HADHB: variants seen among roughly 807,000 people sequenced by gnomAD.
HADHB encodes the protein trifunctional enzyme subunit beta, mitochondrial.
Under a neutral mutation model 61.9 loss-of-function variants are expected in HADHB, and 50 were observed. That is an observed-to-expected ratio of 0.81 (90% CI 0.64 to 1.02). The LOEUF is 1.02. HADHB is among the 50% of genes least tolerant of loss of function. The pLI is 0.00. For synonymous variants in HADHB, 191 were observed against 201.6 expected (o/e 0.95, Z 0.45); for missense variants, 504 against 586.5 (o/e 0.86, Z 1.45).
chr2:26,278,160 C>T (rs930396225), intron 7 of HADHB, among the ~76,000 whole-genome samples: 2 of 152,236 alleles, frequency 1.3e-5, no homozygotes, highest in African/African-American at 4.8e-5. Context: ...ATGTGACCAA[C>T]TCCTGGTTAG....
intron 9 of HADHB, among the ~76,000 whole-genome samples, 160 bp downstream of exon 9, chr2:26,279,475 C>T (rs1283969863): frequency 6.6e-6 from 1 of 152,034 alleles, no homozygotes; most frequent in Non-Finnish European, 1.5e-5. Context: ...TATGTTGTAA[C>T]AATAGGTTAA....
chr2:26,260,743 G>A, intron 3 of HADHB: 1 of 456,116 alleles, frequency 2.2e-6, no homozygotes, highest in South Asian at 2.8e-5. Flanking sequence ...CTGGAAAGGT[G>A]TTAGGAACCA....
intron 3 of HADHB, among the ~76,000 whole-genome samples, chr2:26,258,791 T>TC (rs1671743217): frequency 6.6e-6 from 1 of 152,194 alleles, no homozygotes; most frequent in Admixed American, 6.5e-5. Context: ...TCATTGTCGC[T>TC]CCCCCTGTGC....
intron 14 of HADHB, 115 bp from the exon 15 acceptor site, chr2:26,285,290 AAT>A: frequency 1.2e-6 from 1 of 834,498 alleles, no homozygotes; most frequent in Non-Finnish European, 2.0e-6. Flanking sequence ...AATTATTTGT[AAT>A]ATGTCTGACG....
At chr2:26,261,024 A>G in intron 3 of HADHB, 1 of 1,524,606 alleles carries the variant, frequency 6.6e-7, no homozygotes, top group Non-Finnish European at 8.8e-7. Context: ...TAGGTAGATG[A>G]CACTGGTTTC....
intron 3 of HADHB, 42 bp from the exon 4 acceptor site, chr2:26,263,338 T>A: frequency 8.7e-7 from 1 of 1,151,996 alleles, no homozygotes; most frequent in Non-Finnish European, 1.3e-6. Context: ...AGACTTTATA[T>A]ATTTTAATTA....
Position 26,284,173 on chromosome 2 carries a change from T to C in HADHB, c.1118T>C (p.Ile373Thr). The change falls in exon 13 of 16, where the codon ATT becomes ACT. Residue 373 changes from isoleucine to threonine, a missense_variant. Physicochemically the swap from Ile to Thr is moderately conservative, Grantham distance 89. Coordinates refer to ENST00000317799, the MANE Select transcript of HADHB (RefSeq NM_000183.3). ...AAGGCAGGATTGACCATGAATGATA[T>C]TGATGCTTTTGAATTTCATGAAGCT... ...LEKAGLTMND[I>T]DAFEFHEAFS... 6.3e-7 allele frequency: 1 copy of C among 1,589,230 alleles called. No homozygotes were observed. The highest frequency in any genetic ancestry group is 8.6e-7 in the Non-Finnish European group (1 of 1,157,500).
intron 6 of HADHB, 65 bp downstream of exon 6, chr2:26,273,815 T>TATTA (rs1180733103): frequency 2.3e-6 from 2 of 855,072 alleles, no homozygotes; most frequent in Non-Finnish European, 4.0e-6. Flanking sequence ...TTTCAATTAA[T>TATTA]AGAAGTTACT....
chr2:26,249,288 C>T (rs976718759), intron 1 of HADHB, among the ~76,000 whole-genome samples: 1 of 151,924 alleles, frequency 6.6e-6, no homozygotes, highest in Non-Finnish European at 1.5e-5. Flanking sequence ...AATCCTAGCA[C>T]TTTGGGAGGC....
At chr2:26,281,883 T>G (rs1435499982) in intron 10 of HADHB, among the ~76,000 whole-genome samples, 1 of 152,196 alleles carries the variant, frequency 6.6e-6, no homozygotes, top group Non-Finnish European at 1.5e-5. Context: ...TAGTTTCCTT[T>G]TCTTTGGAAT....
chr2:26,250,544 T>C (rs1032774827), intron 1 of HADHB, among the ~76,000 whole-genome samples: 6 of 152,148 alleles, frequency 3.9e-5, no homozygotes, highest in African/African-American at 1.4e-4. Flanking sequence ...GATAAAAATA[T>C]TCTCTGAGGC....
chr2:26,246,347 CT>C (rs35129524), intron 1 of HADHB, among the ~76,000 whole-genome samples: 2,571 of 144,002 alleles, frequency 0.018, 65 homozygotes, highest in African/African-American at 0.057. Context: ...TTGTTTACAA[CT>C]TTTTTTTTTT....
intron 12 of HADHB, among the ~76,000 whole-genome samples, chr2:26,283,354 C>G (rs1672878897): frequency 6.6e-6 from 1 of 152,070 alleles, no homozygotes; most frequent in African/African-American, 2.4e-5. Context: ...GAAGCCCTAT[C>G]TCTACTAAAA....
At chr2:26,245,779 G>C (rs936114180) in intron 1 of HADHB, among the ~76,000 whole-genome samples, 1 of 152,160 alleles carries the variant, frequency 6.6e-6, no homozygotes, top group Non-Finnish European at 1.5e-5. Context: ...GTCACATTGA[G>C]AGCCTGCTGT....
chr2:26,273,486 T>C (rs1672427725), intron 5 of HADHB, among the ~76,000 whole-genome samples, 165 bp from the exon 6 acceptor site: 1 of 152,228 alleles, frequency 6.6e-6, no homozygotes, highest in Non-Finnish European at 1.5e-5. Flanking sequence ...ATTCATTTCT[T>C]CTTTGAGAAG....
intron 1 of HADHB, among the ~76,000 whole-genome samples, chr2:26,245,610 CAG>C (rs1291246759): frequency 1.3e-4 from 20 of 151,948 alleles, no homozygotes; most frequent in Admixed American, 1.3e-3. Flanking sequence ...GCCTACGAAT[CAG>C]AGAGAGTGAT....
At chr2:26,269,026 G>A (rs984450266) in intron 4 of HADHB, among the ~76,000 whole-genome samples, 5 of 151,882 alleles carry the variant, frequency 3.3e-5, no homozygotes, top group Admixed American at 6.6e-5. Context: ...GTGGGTGCCC[G>A]TAATCCCAGC....
chr2:26,247,128 A>G (rs1671198749), intron 1 of HADHB, among the ~76,000 whole-genome samples: 1 of 152,094 alleles, frequency 6.6e-6, no homozygotes, highest in Non-Finnish European at 1.5e-5. Flanking sequence ...TTTTGTTTTC[A>G]TTACTTGCCT....
At position 26,279,995 on chromosome 2, in the gene HADHB, A is replaced by G; in HGVS notation, c.813A>G (p.Gly271=). ...TAAAAAAATTCATTTTTTTAATAGG[A>G]AAAGATACAGTTACCAAAGATAATG... is the stretch of plus-strand genomic sequence containing the variant. ...LSDVVPFKVP[G]KDTVTKDNGI... is the part of the protein sequence containing the mutation. The change falls in exon 10 of 16, where the codon GGA becomes GGG. Residue 271 remains glycine, a splice_region_variant and synonymous_variant. Coordinates refer to ENST00000317799, the MANE Select transcript of HADHB (RefSeq NM_000183.3). 6.2e-7 allele frequency: 1 copy of G among 1,607,256 alleles called. No homozygotes were observed.
Sources: allele counts gnomAD v4.1 joint callset (sites outside exome capture counted in the v4.1 genomes callset), GRCh38; gene constraint gnomAD v4.1.1; transcripts MANE v1.5; gene names NCBI Gene and HGNC (gene_info 2026-07-23, HGNC 2026-07-21).